CLEC9A: variants seen among roughly 807,000 people sequenced by gnomAD.
CLEC9A encodes C-type lectin domain family 9 member A.
Under a neutral mutation model 30.0 loss-of-function variants are expected in CLEC9A, and 24 were observed. The ratio of observed to expected loss-of-function variants is 0.80; its 90% CI spans 0.58 to 1.13. CLEC9A has a LOEUF of 1.13. Among genes scored for constraint, CLEC9A ranks in the 50% most tolerant of loss-of-function variants. The probability of loss-of-function intolerance (pLI) is 0.00; values close to 1 mark genes in which losing one functional copy is unlikely to be tolerated. For missense variants in CLEC9A, 251 were observed against 280.9 expected, an observed-to-expected ratio of 0.89 and a Z score of 0.76; for synonymous variants, 111 against 96.8, an observed-to-expected ratio of 1.15 and a Z score of -0.86.
intron 1 of CLEC9A, among the ~76,000 whole-genome samples, chr12:10,036,433 A>C (rs1865744626): frequency 6.6e-6 from 1 of 152,238 alleles, no homozygotes; most frequent in Non-Finnish European, 1.5e-5. Flanking sequence ...GAGAGGACTG[A>C]ATATCACTAA....
chr12:10,046,028 C>T (rs969935086), intron 2 of CLEC9A, among the ~76,000 whole-genome samples: 5 of 152,052 alleles, frequency 3.3e-5, no homozygotes, highest in Admixed American at 2.0e-4. Context: ...TGAAAGATAG[C>T]GTGACGTAAC....
chr12:10,056,604 C>A (rs923754717), intron 5 of CLEC9A, among the ~76,000 whole-genome samples: 6 of 151,946 alleles, frequency 3.9e-5, no homozygotes, highest in Admixed American at 1.3e-4. Context: ...TGAATTTAAA[C>A]AAACAATGGA....
intron 2 of CLEC9A, among the ~76,000 whole-genome samples, chr12:10,050,769 T>G (rs1303004654): frequency 6.6e-6 from 1 of 152,212 alleles, no homozygotes; most frequent in Non-Finnish European, 1.5e-5. Context: ...CTAACATTAG[T>G]CTCAATGTAC....
At chr12:10,065,055 A>G (rs1866031356) in intron 8 of CLEC9A, among the ~76,000 whole-genome samples, 1 of 152,194 alleles carries the variant, frequency 6.6e-6, no homozygotes, top group Non-Finnish European at 1.5e-5. Context: ...TGCTTCTATT[A>G]TCTTATAGAA....
At chr12:10,053,701 A>G (rs1036316847) in intron 4 of CLEC9A, among the ~76,000 whole-genome samples, 1 of 151,308 alleles carries the variant, frequency 6.6e-6, no homozygotes, top group African/African-American at 2.4e-5. Flanking sequence ...AATTTTAACT[A>G]TTTTTCTCTG....
intron 2 of CLEC9A, among the ~76,000 whole-genome samples, chr12:10,042,490 A>C (rs1865806211): frequency 6.6e-6 from 1 of 152,184 alleles, no homozygotes. Context: ...TGATTGATTT[A>C]CCTATTCCTT....
intron 1 of CLEC9A, among the ~76,000 whole-genome samples, chr12:10,037,763 A>G (rs1865755878): frequency 6.6e-6 from 1 of 152,192 alleles, no homozygotes; most frequent in African/African-American, 2.4e-5. Context: ...CTTTAACTGC[A>G]TGTCAGTCAC....
At chr12:10,053,726 T>C (rs1409459816) in intron 4 of CLEC9A, among the ~76,000 whole-genome samples, 1 of 151,898 alleles carries the variant, frequency 6.6e-6, no homozygotes, top group Non-Finnish European at 1.5e-5. Flanking sequence ...GTGTTTTGAA[T>C]ACAAAAAATC....
At chr12:10,056,691 C>A (rs906232950) in intron 5 of CLEC9A, among the ~76,000 whole-genome samples, 3 of 151,970 alleles carry the variant, frequency 2.0e-5, no homozygotes, top group Admixed American at 2.0e-4. Context: ...AAATATATTT[C>A]AATGTTTACT....
intron 7 of CLEC9A, 66 bp from the exon 8 acceptor site, chr12:10,064,666 T>G (rs1358901666): frequency 3.4e-5 from 52 of 1,525,758 alleles, no homozygotes; most frequent in South Asian, 1.6e-4. Flanking sequence ...AATGTCACAC[T>G]TTATATTTCA....
At chr12:10,059,071 A>C (rs536445364) in intron 5 of CLEC9A, among the ~76,000 whole-genome samples, 11 of 152,244 alleles carry the variant, frequency 7.2e-5, no homozygotes, top group African/African-American at 2.6e-4. Context: ...CTCTCTATAC[A>C]ATATGTCTAT....
At chr12:10,037,126 AAAC>A (rs1865750930) in intron 1 of CLEC9A, among the ~76,000 whole-genome samples, 1 of 152,218 alleles carries the variant, frequency 6.6e-6, no homozygotes, top group African/African-American at 2.4e-5. Context: ...AGATGAATGA[AAAC>A]AAGATAATTA....
In CLEC9A at chr12:10,065,483, T is replaced by C. The variant is rs757966423; in HGVS notation, c.594-17T>C. 3.1e-6 allele frequency: 5 copies of C among 1,613,278 alleles called. No individual in the cohort carries two copies. Among genetic ancestry groups the C allele is most frequent in the South Asian group, 1.1e-5 (1 of 91,038 alleles). ...ACTCCCAAGTCTAACCTCAGAAATG[T>C]TGACTTGCTTTTCCAGGTTGCCAGC... On this transcript the variant is annotated splice_polypyrimidine_tract_variant and intron_variant, in intron 8 of 8. Coordinates refer to ENST00000355819, the MANE Select transcript of CLEC9A (RefSeq NM_207345.4).
chr12:10,032,889 T>C (rs977812085), intron 1 of CLEC9A, among the ~76,000 whole-genome samples: 1 of 152,182 alleles, frequency 6.6e-6, no homozygotes, highest in African/African-American at 2.4e-5. Context: ...CTTCTTAACA[T>C]TTCTCTAATT....
chr12:10,044,196 C>G (rs1161769536), intron 2 of CLEC9A, among the ~76,000 whole-genome samples: 1 of 152,092 alleles, frequency 6.6e-6, no homozygotes, highest in Non-Finnish European at 1.5e-5. Flanking sequence ...GCTGTTAGCA[C>G]CAGGTTGTGA....
chr12:10,039,493 C>G (rs763053646), intron 1 of CLEC9A, among the ~76,000 whole-genome samples: 10 of 151,630 alleles, frequency 6.6e-5, no homozygotes, highest in Non-Finnish European at 1.3e-4. Context: ...TTTTTAAAAA[C>G]TATTTTGTCC....
At chr12:10,054,402 T>G (rs1039238910) in intron 5 of CLEC9A, 51 bp downstream of exon 5, 2 of 1,171,192 alleles carry the variant, frequency 1.7e-6, no homozygotes, top group Admixed American at 4.4e-5. Flanking sequence ...TATATAAAAC[T>G]TCATAATTTA....
At chr12:10,037,284 C>G (rs913066305) in intron 1 of CLEC9A, among the ~76,000 whole-genome samples, 7 of 152,172 alleles carry the variant, frequency 4.6e-5, no homozygotes, top group Non-Finnish European at 7.3e-5. Context: ...ATAGGGCGGG[C>G]TCACTGAGCG....
chr12:10,064,683 T>A, intron 7 of CLEC9A, 49 bp from the exon 8 acceptor site: 1 of 1,561,620 alleles, frequency 6.4e-7, no homozygotes, highest in Non-Finnish European at 8.7e-7. Flanking sequence ...TTCACTAGAG[T>A]TTTGTTTGTT....
Sources: allele counts gnomAD v4.1 joint callset (sites outside exome capture counted in the v4.1 genomes callset), GRCh38; gene constraint gnomAD v4.1.1; transcripts MANE v1.5; gene names NCBI Gene and HGNC (gene_info 2026-07-23, HGNC 2026-07-21).